The following ZFAND3 variants were observed in gnomAD, a reference collection of about 807,000 sequenced individuals.
ZFAND3 encodes the protein zinc finger AN1-type containing 3, also known as AN1-type zinc finger protein 3.
A neutral mutation model predicts 29.6 loss-of-function variants in ZFAND3; 10 were observed. The ratio of observed to expected loss-of-function variants is 0.34; its 90% CI spans 0.21 to 0.57. The LOEUF (loss-of-function observed/expected upper bound fraction) is 0.57. Ranked by LOEUF, ZFAND3 falls within the 20% of genes least tolerant of loss-of-function variation. ZFAND3 has a pLI of 0.86. For missense variants in ZFAND3, 230 were observed against 304.5 expected (o/e 0.76, Z 1.82); for synonymous variants, 128 against 112.6 (o/e 1.14, Z -0.87).
chr6:37,944,147 A>G (rs1761858802), intron 2 of ZFAND3, among the ~76,000 whole-genome samples: 1 of 152,214 alleles, frequency 6.6e-6, no homozygotes, highest in South Asian at 2.1e-4. Context: ...ACATGCATAC[A>G]GTTATTTAGA....
chr6:37,923,252 C>T (rs1282780368), intron 1 of ZFAND3, among the ~76,000 whole-genome samples: 4 of 152,130 alleles, frequency 2.6e-5, no homozygotes, highest in Non-Finnish European at 5.9e-5. Flanking sequence ...AGGCCTGGCA[C>T]CTTTATTTAA....
chr6:38,019,146 T>C (rs1405778103), intron 2 of ZFAND3, among the ~76,000 whole-genome samples: 1 of 152,064 alleles, frequency 6.6e-6, no homozygotes, highest in East Asian at 1.9e-4. Context: ...TTTTAGTAGA[T>C]ACAGGGTTTC....
At chr6:37,893,301 A>G (rs1485416873) in intron 1 of ZFAND3, among the ~76,000 whole-genome samples, 2 of 152,340 alleles carry the variant, frequency 1.3e-5, no homozygotes, top group South Asian at 4.1e-4. Flanking sequence ...AAATCAATTA[A>G]TGTAATACAT....
intron 1 of ZFAND3, among the ~76,000 whole-genome samples, chr6:37,925,326 A>G (rs1761463450): frequency 1.3e-5 from 2 of 152,212 alleles, no homozygotes; most frequent in Admixed American, 6.5e-5. Context: ...AGAGGAATAC[A>G]TAGATTTGAG....
chr6:37,958,322 C>T lies in ZFAND3; in HGVS notation c.112+28323C>T, dbSNP rs567038510. Among the ~76,000 whole-genome samples, 9 of 151,946 alleles carry T rather than the reference C, an allele frequency of 5.9e-5. No homozygotes were observed. The East Asian group carries it at 1.2e-3, about 20-fold the overall frequency. The stretch of plus-strand genomic sequence containing the variant: ...TACAAAGATTAGCTGGGCGTGGTGG[C>T]GGGCGCCTGTAACCCCAGCTCCTCG... On this transcript the variant is annotated intron_variant, in intron 2 of 5. Coordinates refer to ENST00000287218, the MANE Select transcript of ZFAND3 (RefSeq NM_021943.3).
chr6:37,842,982 C>T (rs373608338), intron 1 of ZFAND3, among the ~76,000 whole-genome samples: 8 of 151,922 alleles, frequency 5.3e-5, no homozygotes, highest in East Asian at 1.9e-4. Context: ...ATTAGCCAGG[C>T]GTGGTGGTGT....
At chr6:37,981,501 G>C (rs1046186169) in intron 2 of ZFAND3, among the ~76,000 whole-genome samples, 1 of 152,128 alleles carries the variant, frequency 6.6e-6, no homozygotes, top group African/African-American at 2.4e-5. Context: ...GTGATTTTTG[G>C]TCATGGTTAG....
At chr6:38,036,627 G>A (rs1426876088) in intron 2 of ZFAND3, among the ~76,000 whole-genome samples, 4 of 152,128 alleles carry the variant, frequency 2.6e-5, no homozygotes, top group Admixed American at 2.6e-4. Flanking sequence ...AAAGAGGTAT[G>A]ATTACAGACT....
At chr6:37,839,967 C>CT (rs1017729193) in intron 1 of ZFAND3, among the ~76,000 whole-genome samples, 1 of 151,974 alleles carries the variant, frequency 6.6e-6, no homozygotes, top group African/African-American at 2.4e-5. Context: ...TCTTATTTAT[C>CT]TTTTTGTTGT....
At chr6:38,144,206 TATATAATATATAATATATA>T (rs1562016022) in intron 5 of ZFAND3, among the ~76,000 whole-genome samples, 8 of 44,280 alleles carry the variant, frequency 1.8e-4, no homozygotes, top group African/African-American at 7.8e-4. Context: ...TATATATATA[TATATAATATATAATATATA>T]TATATATTTT....
In ZFAND3 at chr6:37,840,103, A is replaced by AT. The variant is rs200573304; in HGVS notation, c.71+20098dup. 0.018 allele frequency among the ~76,000 whole-genome samples: 2,613 copies of AT among 144,888 alleles called. 253 individuals carry two copies. In the East Asian group the frequency reaches 0.28, roughly 16 times the overall value. Reference sequence around the variant, plus strand: ...TATTTTACATTTAAGTTGGTTATCTATTTTTTTTTTTGAGATGGAGTTTCG... The same window carrying AT: ...TATTTTACATTTAAGTTGGTTATCTATTTTTTTTTTTTGAGATGGAGTTTCG... On this transcript the variant is annotated intron_variant, in intron 1 of 5. Coordinates refer to ENST00000287218, the MANE Select transcript of ZFAND3 (RefSeq NM_021943.3).
intron 1 of ZFAND3, among the ~76,000 whole-genome samples, chr6:37,847,336 G>T (rs1764199923): frequency 6.6e-6 from 1 of 152,122 alleles, no homozygotes; most frequent in African/African-American, 2.4e-5. Context: ...AGCACTATGG[G>T]AGGCTGAGGG....
At chr6:38,058,586 A>C (rs899125775) in intron 2 of ZFAND3, among the ~76,000 whole-genome samples, 1 of 152,214 alleles carries the variant, frequency 6.6e-6, no homozygotes, top group Non-Finnish European at 1.5e-5. Flanking sequence ...CTAACTGGCT[A>C]CATTCATTGC....
chr6:37,823,143 T>C (rs1407041867), intron 1 of ZFAND3, among the ~76,000 whole-genome samples: 1 of 152,208 alleles, frequency 6.6e-6, no homozygotes, highest in Non-Finnish European at 1.5e-5. Flanking sequence ...GAATGTGATA[T>C]ACGTGTTTCC....
In ZFAND3 at chr6:37,933,446, C is replaced by T. The variant is rs762401141; in HGVS notation, c.112+3447C>T. On this transcript the variant is annotated intron_variant, in intron 2 of 5. Transcript: ENST00000287218. The stretch of plus-strand genomic sequence containing the variant: ...TATTCTGCTAAGTGGTGAGCACACA[C>T]CTGACCCAATAGCCATCATTACTTA... Among the ~76,000 whole-genome samples, 3 of 152,216 alleles carry T rather than the reference C, an allele frequency of 2.0e-5. No individual in the cohort carries two copies. The South Asian group carries it at 6.2e-4, about 32-fold the overall frequency.
At chr6:37,941,109 A>G (rs971798184) in intron 2 of ZFAND3, among the ~76,000 whole-genome samples, 7 of 152,230 alleles carry the variant, frequency 4.6e-5, no homozygotes, top group Non-Finnish European at 1.0e-4. Context: ...CATTTTACAG[A>G]TAAGGAAACT....
chr6:37,930,237 C>T (rs1761569639), intron 2 of ZFAND3, among the ~76,000 whole-genome samples: 1 of 152,146 alleles, frequency 6.6e-6, no homozygotes, highest in Non-Finnish European at 1.5e-5. Context: ...ACCAAACAAA[C>T]TTTCCTTGGT....
intron 4 of ZFAND3, among the ~76,000 whole-genome samples, chr6:38,098,024 T>C (rs1291161957): frequency 6.6e-6 from 1 of 152,106 alleles, no homozygotes; most frequent in Non-Finnish European, 1.5e-5. Context: ...ATTGGGAAAA[T>C]CAGACTTCCT....
At chr6:38,021,577 C>T (rs1028927369) in intron 2 of ZFAND3, among the ~76,000 whole-genome samples, 1 of 152,124 alleles carries the variant, frequency 6.6e-6, no homozygotes, top group Non-Finnish European at 1.5e-5. Flanking sequence ...CAATCAGCAA[C>T]GAAATTTTCT....
Sources: gnomAD v4.1 joint callset for allele counts (sites outside exome capture counted in the v4.1 genomes callset) on GRCh38, gnomAD v4.1.1 for gene constraint, MANE v1.5 for transcripts, NCBI Gene and HGNC (gene_info 2026-07-23, HGNC 2026-07-21) for gene names.